Variants in RIMS1 observed in about 807,000 individuals in gnomAD.
RIMS1 encodes the protein regulating synaptic membrane exocytosis 1.
A neutral mutation model predicts 214.1 loss-of-function variants in RIMS1; 83 were observed. The ratio of observed to expected loss-of-function variants is 0.39; its 90% confidence interval spans 0.32 to 0.47. The LOEUF is 0.47. Among genes scored for constraint, RIMS1 ranks in the 20% least tolerant of loss-of-function variants. The pLI is 0.99. For synonymous variants in RIMS1, 793 were observed against 786.8 expected (o/e 1.01, Z -0.13); for missense variants, 2,050 against 2,161.8 (o/e 0.95, Z 1.03).
At chr6:72,245,296 G>A (rs758741156) in intron 10 of RIMS1, among the ~76,000 whole-genome samples, 1 of 151,558 alleles carries the variant, frequency 6.6e-6, no homozygotes, top group Non-Finnish European at 1.5e-5. Flanking sequence ...TGGCTTTTTT[G>A]TTGCAAGCTT....
rs1303834273 is a variant in RIMS1 at position 71,886,713 on chromosome 6, G to T, written c.-311G>T. ...CCCTCGCCCCCTCGCCTCTCCCGCCGCGCCTCCGCCTGCCCGCCCCCGCCG... is the reference window on the plus strand; with the variant it reads ...CCCTCGCCCCCTCGCCTCTCCCGCCTCGCCTCCGCCTGCCCGCCCCCGCCG... On this transcript the variant is annotated 5_prime_UTR_variant, in exon 1 of 34. Transcript: ENST00000521978. The T allele has an allele frequency of 1.8e-5, 3 of 169,604 alleles. No individual in the cohort carries two copies. Among genetic ancestry groups the T allele is most frequent in the Non-Finnish European group, 3.8e-5 (3 of 79,648 alleles). 10.5% of individuals were successfully genotyped at this position (169,604 alleles called of 1,614,324 possible).
intron 23 of RIMS1, among the ~76,000 whole-genome samples, chr6:72,277,142 CTT>C (rs1246631133): frequency 1.3e-5 from 2 of 152,194 alleles, no homozygotes; most frequent in Admixed American, 6.5e-5. Context: ...TAGTTGCCCT[CTT>C]GTTTCCCACA....
chr6:72,007,127 T>C (rs943640194), intron 2 of RIMS1, among the ~76,000 whole-genome samples: 1 of 152,130 alleles, frequency 6.6e-6, no homozygotes, highest in Non-Finnish European at 1.5e-5. Context: ...GAGACAAAAC[T>C]TCCAGAGGAA....
chr6:72,183,994 C>T (rs2048745757), intron 6 of RIMS1, among the ~76,000 whole-genome samples: 1 of 152,202 alleles, frequency 6.6e-6, no homozygotes, highest in Non-Finnish European at 1.5e-5. Context: ...ATGAAATTAA[C>T]TGTAGTGCAT....
At chr6:71,932,512 A>G (rs1181159558) in intron 1 of RIMS1, among the ~76,000 whole-genome samples, 4 of 152,140 alleles carry the variant, frequency 2.6e-5, no homozygotes, top group Non-Finnish European at 5.9e-5. Flanking sequence ...ATCAGGAAAA[A>G]TAACTAATGG....
chr6:72,167,639 T>C (rs1416100914), intron 4 of RIMS1, among the ~76,000 whole-genome samples: 4 of 152,112 alleles, frequency 2.6e-5, no homozygotes, highest in Non-Finnish European at 5.9e-5. Flanking sequence ...CTATTCGGGT[T>C]TTCAGTTTCT....
At chr6:71,894,217 G>A (rs878919295) in intron 1 of RIMS1, among the ~76,000 whole-genome samples, 7 of 152,176 alleles carry the variant, frequency 4.6e-5, no homozygotes, top group Admixed American at 4.6e-4. Context: ...GGCCAAAGCG[G>A]GTGGATCACT....
intron 6 of RIMS1, among the ~76,000 whole-genome samples, chr6:72,207,676 A>G (rs116669523): frequency 1.5e-3 from 222 of 152,262 alleles, no homozygotes; most frequent in African/African-American, 5.2e-3. Context: ...AAGGGAAGAA[A>G]CTAACTAGGA....
rs372890424 is a variant in RIMS1, at chr6:71,969,052, C to T, written c.234C>T (p.His78=). ...CAAGAAATGCTGAAAACCAGCCCCA[C>T]CAACCTTCACCGTGAGTATGGCATT... ...KTPRNAENQP[H]QPSPRLHQQF... Residue 78 remains histidine (H), a synonymous_variant, in exon 2 of 34, where the codon CAC becomes CAT. Transcript: ENST00000521978. The T allele has an allele frequency of 6.2e-7, 1 of 1,613,868 alleles. No homozygotes were observed. Among genetic ancestry groups the T allele is most frequent in the Non-Finnish European group, 8.5e-7 (1 of 1,179,858 alleles).
chr6:72,166,993 C>A (rs2046359646), intron 4 of RIMS1, among the ~76,000 whole-genome samples: 1 of 151,748 alleles, frequency 6.6e-6, no homozygotes, highest in African/African-American at 2.4e-5. Flanking sequence ...TATATATTTG[C>A]CTTGTTCCTG....
At chr6:72,026,461 C>CT (rs959274194) in intron 2 of RIMS1, among the ~76,000 whole-genome samples, 4 of 140,932 alleles carry the variant, frequency 2.8e-5, no homozygotes, top group Non-Finnish European at 6.2e-5. Context: ...CACCGCCCCC[C>CT]CCCCCAACTT....
intron 1 of RIMS1, among the ~76,000 whole-genome samples, chr6:71,900,585 G>A (rs145069535): frequency 6.6e-6 from 1 of 152,164 alleles, no homozygotes; most frequent in East Asian, 1.9e-4. Context: ...ATGGCAAAAT[G>A]TTAAAATTTG....
chr6:71,997,941 T>C (rs1027734179), intron 2 of RIMS1, among the ~76,000 whole-genome samples: 1 of 152,072 alleles, frequency 6.6e-6, no homozygotes, highest in Non-Finnish European at 1.5e-5. Flanking sequence ...TGGAATAATA[T>C]AAAAATGTAT....
chr6:72,243,736 T>G (rs1275017339), intron 10 of RIMS1, among the ~76,000 whole-genome samples: 1 of 151,778 alleles, frequency 6.6e-6, no homozygotes, highest in Non-Finnish European at 1.5e-5. Context: ...AATAACATTA[T>G]TTTTACTTTT....
At chr6:72,130,563 A>G (rs1487490519) in intron 4 of RIMS1, among the ~76,000 whole-genome samples, 1 of 152,160 alleles carries the variant, frequency 6.6e-6, no homozygotes, top group Non-Finnish European at 1.5e-5. Flanking sequence ...TGCTTGATCC[A>G]CTAAATTCTA....
intron 2 of RIMS1, among the ~76,000 whole-genome samples, chr6:72,027,870 G>A (rs1416215011): frequency 6.6e-6 from 1 of 152,034 alleles, no homozygotes; most frequent in Admixed American, 6.6e-5. Context: ...TTTCATGGTA[G>A]CATCAATAAT....
At chr6:71,980,948 T>C (rs1034476621) in intron 2 of RIMS1, among the ~76,000 whole-genome samples, 5 of 152,140 alleles carry the variant, frequency 3.3e-5, no homozygotes, top group African/African-American at 1.2e-4. Context: ...CAAGTACTTC[T>C]AGGGAATTAC....
intron 2 of RIMS1, among the ~76,000 whole-genome samples, chr6:71,994,547 T>C (rs1802823778): frequency 6.6e-6 from 1 of 152,174 alleles, no homozygotes; most frequent in Non-Finnish European, 1.5e-5. Context: ...TTTTGTCACA[T>C]CTTAAATATA....
intron 1 of RIMS1, 28 bp downstream of exon 1, chr6:71,887,215 T>A: frequency 6.3e-7 from 1 of 1,584,662 alleles, no homozygotes. Context: ...GCGCCATCCA[T>A]GCCTCCGTGC....
Sources: gnomAD v4.1 joint callset for allele counts (sites outside exome capture counted in the v4.1 genomes callset) on GRCh38, gnomAD v4.1.1 for gene constraint, MANE v1.5 for transcripts, NCBI Gene and HGNC (gene_info 2026-07-23, HGNC 2026-07-21) for gene names.